The following PRKCE variants were observed in gnomAD, a reference collection of about 807,000 sequenced individuals.
PRKCE encodes protein kinase C epsilon type.
Under a neutral mutation model 85.4 loss-of-function variants are expected in PRKCE, and 16 were observed. The observed-to-expected ratio is 0.19, with a 90% confidence interval of 0.13 to 0.28. The LOEUF (loss-of-function observed/expected upper bound fraction) is 0.28. Among genes scored for constraint, PRKCE ranks in the 10% least tolerant of loss-of-function variants. The probability of loss-of-function intolerance (pLI) is 1.00; values close to 1 mark genes in which losing one functional copy is unlikely to be tolerated. For missense variants in PRKCE, 573 were observed against 975.2 expected (o/e 0.59, Z 5.49); for synonymous variants, 388 against 371.5 (o/e 1.04, Z -0.51).
In PRKCE at chr2:46,184,462, C is replaced by CACAT. The variant is rs56941288; in HGVS notation, c.2068-273_2068-272insACAT. On this transcript the variant is annotated intron_variant, in intron 14 of 14. Coordinates refer to ENST00000306156, the MANE Select transcript of PRKCE (RefSeq NM_005400.3). This position sits in a 1 kb window ranked among gnomAD's most constrained non-coding sequence, Gnocchi z 5.0. ...ACACACACACACACACACACACACA[C>CACAT]GTCTGTGGGAATCCCACTTCCCTGC... Among the ~76,000 whole-genome samples, 15 of 151,316 alleles carry CACAT rather than the reference C, an allele frequency of 9.9e-5. No homozygotes were observed. Among genetic ancestry groups the CACAT allele is most frequent in the Admixed American group, 9.9e-4 (15 of 15,136 alleles).
chr2:46,147,566 T>C (rs896003795), intron 12 of PRKCE, among the ~76,000 whole-genome samples: 10 of 152,240 alleles, frequency 6.6e-5, no homozygotes, highest in African/African-American at 2.4e-4. Context: ...CTTCCTGCTC[T>C]GGCCTTCGTG....
intron 8 of PRKCE, among the ~76,000 whole-genome samples, chr2:46,006,073 C>T (rs11680392): frequency 0.22 from 33,172 of 152,116 alleles, 3,980 homozygotes; most frequent in African/African-American, 0.3. Flanking sequence ...CAGGATACAG[C>T]GGCCCCAGGG....
intron 1 of PRKCE, among the ~76,000 whole-genome samples, chr2:45,672,944 A>G (rs1443722793): frequency 6.6e-6 from 1 of 152,158 alleles, no homozygotes; most frequent in East Asian, 1.9e-4. Flanking sequence ...GGAAGACTGC[A>G]TGAGCCCAGG....
intron 14 of PRKCE, among the ~76,000 whole-genome samples, chr2:46,167,273 TG>T (rs1203707309): frequency 1.3e-5 from 2 of 152,196 alleles, no homozygotes; most frequent in African/African-American, 2.4e-5. Flanking sequence ...GATCATAGCA[TG>T]GGGGTTATAA....
At position 46,185,048 on chromosome 2, in the gene PRKCE, C is replaced by G. The variant is rs963169687; in HGVS notation, c.*167C>G. Reference sequence around the variant, plus strand: ...CCTTGCCCCAGGCCACCTCCTCCCCCTCCCACCTGGTGACCAGAAGGCGCT... The same window carrying G: ...CCTTGCCCCAGGCCACCTCCTCCCCGTCCCACCTGGTGACCAGAAGGCGCT... On this transcript the variant is annotated 3_prime_UTR_variant, in exon 15 of 15. Transcript: ENST00000306156. The surrounding 1 kb of genome is among the most constrained non-coding windows in gnomAD (Gnocchi z 4.7). 2.7e-5 allele frequency: 25 copies of G among 918,928 alleles called. No homozygotes were observed. The highest frequency in any genetic ancestry group is 3.7e-5 in the Non-Finnish European group (23 of 624,926). The allele number at this position is 918,928 out of a possible 1,614,324, so 56.9% of individuals were successfully genotyped here.
At chr2:45,681,637 A>T (rs892800893) in intron 1 of PRKCE, among the ~76,000 whole-genome samples, 8 of 152,146 alleles carry the variant, frequency 5.3e-5, no homozygotes, top group Non-Finnish European at 8.8e-5. Flanking sequence ...GGCTCTGCTG[A>T]TTATCTCTAC....
chr2:46,062,049 A>G (rs1207176235), intron 10 of PRKCE, among the ~76,000 whole-genome samples: 1 of 151,566 alleles, frequency 6.6e-6, no homozygotes, highest in African/African-American at 2.4e-5. Flanking sequence ...TTTAGTAGAG[A>G]CAGGGTTTCG....
At position 45,976,604 on chromosome 2, in the gene PRKCE, G is replaced by T. The variant is rs1702469909; in HGVS notation, c.572+16G>T. 1 of 1,598,172 alleles carries T rather than the reference G, an allele frequency of 6.3e-7. No individual in the cohort carries two copies. The highest frequency in any genetic ancestry group is 1.3e-5 in the African/African-American group (1 of 74,868). On this transcript the variant is annotated intron_variant, in intron 3 of 14. Transcript: ENST00000306156. ...ACTTCATCTGGTAAGCCTTTCTCTTGGGAACCTCTAATTACAACATCTCTG... is the reference window on the plus strand; with the variant it reads ...ACTTCATCTGGTAAGCCTTTCTCTTTGGAACCTCTAATTACAACATCTCTG...
intron 1 of PRKCE, among the ~76,000 whole-genome samples, chr2:45,759,569 A>ATT (rs1684273169): frequency 6.6e-6 from 1 of 152,188 alleles, no homozygotes; most frequent in African/African-American, 2.4e-5. Context: ...TGTTCCTCAC[A>ATT]TTCAGCAATT....
chr2:46,114,892 T>A (rs2104270983), intron 11 of PRKCE, among the ~76,000 whole-genome samples: 1 of 152,248 alleles, frequency 6.6e-6, no homozygotes, highest in East Asian at 1.9e-4. Context: ...AAGGCAAGAT[T>A]TAGAGAAAAA....
Position 46,010,537 on chromosome 2 carries a change from G to T in PRKCE, c.1437+20G>T, listed in dbSNP as rs1362127528. On this transcript the variant is annotated intron_variant, in intron 10 of 14. Transcript: ENST00000306156. ...ACCAAGGTATGTTAGGAAGAAGCTG[G>T]CTGGCTGCCATGTTGGGGCATCTTG... 1 of 1,598,326 alleles carries T rather than the reference G, an allele frequency of 6.3e-7. No individual in the cohort carries two copies. The highest frequency in any genetic ancestry group is 1.7e-5 in the Admixed American group (1 of 59,978).
At chr2:45,673,068 G>C (rs1195567053) in intron 1 of PRKCE, among the ~76,000 whole-genome samples, 1 of 152,066 alleles carries the variant, frequency 6.6e-6, no homozygotes, top group African/African-American at 2.4e-5. Flanking sequence ...AAAAACCACA[G>C]TGAGAGATTT....
chr2:46,127,108 G>A (rs1199657215), intron 11 of PRKCE, among the ~76,000 whole-genome samples: 5 of 152,140 alleles, frequency 3.3e-5, no homozygotes, highest in Admixed American at 6.5e-5. Flanking sequence ...GGCCTTCCTG[G>A]TTAGCTCTAG....
At chr2:45,668,138 C>CGAGACCAGCCTGGCCAACAT (rs1676002609) in intron 1 of PRKCE, among the ~76,000 whole-genome samples, 1 of 152,076 alleles carries the variant, frequency 6.6e-6, no homozygotes. Flanking sequence ...GTCAGGAGTT[C>CGAGACCAGCCTGGCCAACAT]GAGACCAGCC....
At chr2:45,875,214 G>A (rs1225067541) in intron 2 of PRKCE, among the ~76,000 whole-genome samples, 2 of 152,158 alleles carry the variant, frequency 1.3e-5, no homozygotes, top group African/African-American at 4.8e-5. Context: ...AGAACCAAAT[G>A]AATACTTTCT....
chr2:45,929,819 C>T (rs1698902121), intron 2 of PRKCE, among the ~76,000 whole-genome samples: 1 of 152,082 alleles, frequency 6.6e-6, no homozygotes. Context: ...ATGCTCAATC[C>T]TCCCTTTTAG....
intron 2 of PRKCE, among the ~76,000 whole-genome samples, chr2:45,973,678 T>G (rs1367642966): frequency 6.6e-6 from 1 of 152,238 alleles, no homozygotes; most frequent in African/African-American, 2.4e-5. Context: ...GAGACAGCTT[T>G]GAAATGAATA....
chr2:45,835,589 G>A (rs1558731275), intron 1 of PRKCE, among the ~76,000 whole-genome samples: 1 of 127,472 alleles, frequency 7.8e-6, no homozygotes, highest in Non-Finnish European at 1.6e-5. Flanking sequence ...TGTATCGGTA[G>A]TATATTTGTT....
At chr2:45,676,806 T>C (rs1676475972) in intron 1 of PRKCE, 1 of 152,200 alleles carries the variant, frequency 6.6e-6, no homozygotes, top group African/African-American at 2.4e-5. Context: ...TTCTTCATAG[T>C]TTCTAGATCA....
Sources: allele counts gnomAD v4.1 joint callset (sites outside exome capture counted in the v4.1 genomes callset), GRCh38; gene constraint gnomAD v4.1.1; non-coding constraint Gnocchi (gnomAD v3.1); transcripts MANE v1.5; gene names NCBI Gene and HGNC (gene_info 2026-07-23, HGNC 2026-07-21).